The following YAP1 variants were observed in gnomAD, a reference collection of about 807,000 sequenced individuals.
YAP1 encodes the protein transcriptional coactivator YAP1.
Under a neutral mutation model 56.9 loss-of-function variants are expected in YAP1, and 5 were observed. The observed-to-expected ratio is 0.09, with a 90% CI of 0.05 to 0.18. The LOEUF is 0.18. Ranked by LOEUF, YAP1 falls within the 10% of genes least tolerant of loss-of-function variation. YAP1 has a pLI of 1.00. For synonymous variants in YAP1, 265 were observed against 248.1 expected, an observed-to-expected ratio of 1.07 and a Z score of -0.64; for missense variants, 539 against 651.8, an observed-to-expected ratio of 0.83 and a Z score of 1.88.
At chr11:102,188,860 GTTAT>G (rs779897549) in intron 4 of YAP1, among the ~76,000 whole-genome samples, 81 of 152,178 alleles carry the variant, frequency 5.3e-4, no homozygotes, top group Non-Finnish European at 9.9e-4. Flanking sequence ...TGAAATTAAT[GTTAT>G]TTATGTAATT....
chr11:102,133,638 A>G (rs1456646251), intron 2 of YAP1, among the ~76,000 whole-genome samples: 1 of 152,100 alleles, frequency 6.6e-6, no homozygotes, highest in Non-Finnish European at 1.5e-5. Flanking sequence ...ATGGTTTTGG[A>G]AGGAAGTTAT....
chr11:102,153,005 G>A (rs141271487), intron 2 of YAP1, among the ~76,000 whole-genome samples: 80 of 152,276 alleles, frequency 5.3e-4, no homozygotes, highest in African/African-American at 1.9e-3. Flanking sequence ...AATTGAAGGC[G>A]GAGATACTGT....
At chr11:102,209,335 G>A (rs1384326816) in intron 5 of YAP1, among the ~76,000 whole-genome samples, 182 bp from the exon 6 acceptor site, 3 of 152,066 alleles carry the variant, frequency 2.0e-5, no homozygotes, top group African/African-American at 7.2e-5. Context: ...AAAAACTTCT[G>A]AGGTTCCAGT....
At chr11:102,216,737 A>G (rs1010935749) in intron 6 of YAP1, among the ~76,000 whole-genome samples, 2 of 152,244 alleles carry the variant, frequency 1.3e-5, no homozygotes, top group Non-Finnish European at 2.9e-5. Context: ...AGAATACTGG[A>G]CTAAAAATAC....
At chr11:102,200,895 A>T (rs558115559) in intron 4 of YAP1, among the ~76,000 whole-genome samples, 1 of 152,242 alleles carries the variant, frequency 6.6e-6, no homozygotes, top group South Asian at 2.1e-4. Context: ...GATACTACTC[A>T]TCTTTCAGAT....
chr11:102,147,442 T>G (rs1945389525), intron 2 of YAP1, among the ~76,000 whole-genome samples: 1 of 152,216 alleles, frequency 6.6e-6, no homozygotes, highest in Non-Finnish European at 1.5e-5. Flanking sequence ...TTTCTACCTT[T>G]TGAAATCATT....
intron 3 of YAP1, among the ~76,000 whole-genome samples, chr11:102,181,212 G>A (rs1015055972): frequency 6.6e-6 from 1 of 151,978 alleles, no homozygotes; most frequent in Non-Finnish European, 1.5e-5. Context: ...TTGGGAGGTT[G>A]AGGTGGGCGG....
chr11:102,182,597 C>A (rs1947691839), intron 3 of YAP1, among the ~76,000 whole-genome samples: 1 of 152,094 alleles, frequency 6.6e-6, no homozygotes, highest in African/African-American at 2.4e-5. Flanking sequence ...ACTAAAAATT[C>A]TTTTTTTGTG....
At chr11:102,111,217 A>AC in intron 1 of YAP1, 48 bp downstream of exon 1, 1 of 1,591,124 alleles carries the variant, frequency 6.3e-7, no homozygotes, top group Non-Finnish European at 8.6e-7. Flanking sequence ...CGGGCCTCAG[A>AC]CCGGGGGGGC....
rs114536157 is a variant in YAP1 at position 102,161,689 on chromosome 11, T to C, written c.573-767T>C. Among the ~76,000 whole-genome samples, 623 of 152,338 alleles carry C rather than the reference T, an allele frequency of 4.1e-3. 3 individuals are homozygous for C. Among genetic ancestry groups the C allele is most frequent in the Middle Eastern group, 0.014 (4 of 294 alleles). Reference sequence around the variant, plus strand: ...TATAATATATCTAGTTTTTCTTTCATTGAAACAATGAAACTTTGCTACAAG... The same window carrying C: ...TATAATATATCTAGTTTTTCTTTCACTGAAACAATGAAACTTTGCTACAAG... On this transcript the variant is annotated intron_variant, in intron 2 of 8. Coordinates refer to ENST00000282441, the MANE Select transcript of YAP1 (RefSeq NM_001130145.3).
At chr11:102,172,613 C>A (rs1946982386) in intron 3 of YAP1, among the ~76,000 whole-genome samples, 1 of 151,580 alleles carries the variant, frequency 6.6e-6, no homozygotes, top group Non-Finnish European at 1.5e-5. Flanking sequence ...TAGGGAGGTT[C>A]ATTGATTTCT....
At chr11:102,166,100 C>T (rs903703266) in intron 3 of YAP1, among the ~76,000 whole-genome samples, 12 of 152,116 alleles carry the variant, frequency 7.9e-5, no homozygotes, top group African/African-American at 2.9e-4. Flanking sequence ...TTAAAACATC[C>T]GCAACACATC....
intron 2 of YAP1, among the ~76,000 whole-genome samples, chr11:102,152,190 CTAT>C (rs1945694567): frequency 6.6e-6 from 1 of 152,202 alleles, no homozygotes; most frequent in South Asian, 2.1e-4. Flanking sequence ...GATAAGTGAA[CTAT>C]TATTGTATTC....
Position 102,229,962 on chromosome 11 carries a change from C to G in YAP1, c.*22C>G. 1 of 1,602,510 alleles carries G rather than the reference C, an allele frequency of 6.2e-7. No individual in the cohort carries two copies. The highest frequency in any genetic ancestry group is 8.5e-7 in the Non-Finnish European group (1 of 1,169,916). ...ATAGAGCCCTCAGGCAGACTGAATT[C>G]TAAATCTGTGAAGGATCTAAGGAGA... On this transcript the variant is annotated 3_prime_UTR_variant, in exon 9 of 9. Transcript: ENST00000282441.
chr11:102,171,084 T>C (rs1270303257), intron 3 of YAP1, among the ~76,000 whole-genome samples: 1 of 152,236 alleles, frequency 6.6e-6, no homozygotes, highest in Non-Finnish European at 1.5e-5. Flanking sequence ...TGTTCAACTT[T>C]TCTTCAGTGA....
chr11:102,149,184 A>C (rs1463848486), intron 2 of YAP1, among the ~76,000 whole-genome samples: 2 of 152,230 alleles, frequency 1.3e-5, no homozygotes, highest in African/African-American at 4.8e-5. Flanking sequence ...CAAATTGAAG[A>C]TATATTAATG....
intron 2 of YAP1, among the ~76,000 whole-genome samples, chr11:102,138,841 C>T (rs772053883): frequency 1.1e-4 from 17 of 152,052 alleles, no homozygotes; most frequent in Admixed American, 8.5e-4. Context: ...ATGCAGGAGG[C>T]GAATACTTGC....
Position 102,110,800 on chromosome 11 carries a change from G to A in YAP1, c.-49G>A. 7.6e-7 allele frequency: 1 copy of A among 1,308,322 alleles called. No individual in the cohort carries two copies. Among genetic ancestry groups the A allele is most frequent in the South Asian group, 2.0e-5 (1 of 48,932 alleles). 81.0% of individuals were successfully genotyped at this position (1,308,322 alleles called of 1,614,324 possible). ...CGTGGAGCCGGGGCGTCCGGGCGTAGCCCTCGCTCGCCTGGGTCAGGGGGT... is the reference window on the plus strand; with the variant it reads ...CGTGGAGCCGGGGCGTCCGGGCGTAACCCTCGCTCGCCTGGGTCAGGGGGT... On this transcript the variant is annotated 5_prime_UTR_variant, in exon 1 of 9. Coordinates refer to ENST00000282441, the MANE Select transcript of YAP1 (RefSeq NM_001130145.3).
At chr11:102,224,296 T>G (rs1470243613) in intron 7 of YAP1, among the ~76,000 whole-genome samples, 2 of 152,180 alleles carry the variant, frequency 1.3e-5, no homozygotes, top group Non-Finnish European at 2.9e-5. Flanking sequence ...TAGGGATGCT[T>G]CTTAGTGAGT....
Sources: gnomAD v4.1 joint callset for allele counts (sites outside exome capture counted in the v4.1 genomes callset) on GRCh38, gnomAD v4.1.1 for gene constraint, MANE v1.5 for transcripts, NCBI Gene and HGNC (gene_info 2026-07-23, HGNC 2026-07-21) for gene names.